Variants in CNMD observed in about 807,000 individuals in gnomAD.
CNMD encodes the protein chondromodulin.
CNMD carries 30 observed loss-of-function variants against 37.5 expected under a neutral mutation model. The observed-to-expected ratio is 0.80, with a 90% CI of 0.60 to 1.09. The LOEUF is 1.09. CNMD is among the 50% of genes least tolerant of loss of function. The probability of loss-of-function intolerance (pLI) is 0.00; values close to 1 mark genes in which losing one functional copy is unlikely to be tolerated. For missense variants in CNMD, 398 were observed against 423.9 expected, an observed-to-expected ratio of 0.94 and a Z score of 0.54; for synonymous variants, 167 against 148.2, an observed-to-expected ratio of 1.13 and a Z score of -0.92.
intron 4 of CNMD, among the ~76,000 whole-genome samples, chr13:52,718,364 A>C (rs1964424976): frequency 6.6e-6 from 1 of 151,568 alleles, no homozygotes; most frequent in Non-Finnish European, 1.5e-5. Context: ...GATCTTAGTT[A>C]TTTCTTGTCT....
intron 6 of CNMD, among the ~76,000 whole-genome samples, chr13:52,705,811 C>G (rs530731460): frequency 8.6e-5 from 13 of 151,960 alleles, no homozygotes; most frequent in Non-Finnish European, 1.9e-4. Flanking sequence ...AAGTCATATC[C>G]TGCCTGTCTA....
intron 6 of CNMD, 115 bp downstream of exon 6, chr13:52,708,421 T>G: frequency 1.2e-6 from 1 of 838,272 alleles, no homozygotes; most frequent in Middle Eastern, 2.4e-4. Context: ...GACCTCGTGA[T>G]CTGCCCACCC....
At chr13:52,721,854 G>T (rs1217755404) in intron 4 of CNMD, among the ~76,000 whole-genome samples, 2 of 152,188 alleles carry the variant, frequency 1.3e-5, no homozygotes, top group Non-Finnish European at 2.9e-5. Context: ...GCAAACTTAT[G>T]ATTAAATCTG....
intron 3 of CNMD, chr13:52,732,967 C>A (rs942264964): frequency 4.0e-6 from 2 of 501,956 alleles, no homozygotes; most frequent in Non-Finnish European, 7.1e-6. Context: ...TACATGAATT[C>A]AGTAAAGGTG....
At chr13:52,703,864 C>T in intron 6 of CNMD, 54 bp from the exon 7 acceptor site, 1 of 1,449,276 alleles carries the variant, frequency 6.9e-7, no homozygotes, top group Non-Finnish European at 9.6e-7. Context: ...AAGGTCATAG[C>T]ATGCATGTTA....
At chr13:52,721,439 C>T (rs1454167034) in intron 4 of CNMD, among the ~76,000 whole-genome samples, 2 of 152,246 alleles carry the variant, frequency 1.3e-5, no homozygotes, top group African/African-American at 4.8e-5. Context: ...CCAAGGGAAT[C>T]TCCTGGCCTG....
At chr13:52,722,700 A>ACC (rs1172984490) in intron 4 of CNMD, among the ~76,000 whole-genome samples, 1 of 152,240 alleles carries the variant, frequency 6.6e-6, no homozygotes, top group African/African-American at 2.4e-5. Flanking sequence ...AAAGTAAGGT[A>ACC]TTACTGTTAA....
At chr13:52,719,021 T>C (rs1964436242) in intron 4 of CNMD, among the ~76,000 whole-genome samples, 1 of 152,206 alleles carries the variant, frequency 6.6e-6, no homozygotes, top group Admixed American at 6.5e-5. Context: ...CTATATTGGG[T>C]GCATATATAT....
intron 4 of CNMD, among the ~76,000 whole-genome samples, chr13:52,719,171 T>C (rs1242379220): frequency 6.6e-6 from 1 of 152,234 alleles, no homozygotes; most frequent in Non-Finnish European, 1.5e-5. Context: ...TTGCTTTCCA[T>C]TTGCTTGGTA....
At chr13:52,714,364 C>T (rs1964336080) in intron 4 of CNMD, among the ~76,000 whole-genome samples, 1 of 152,082 alleles carries the variant, frequency 6.6e-6, no homozygotes, top group African/African-American at 2.4e-5. Context: ...TTTTCTGTTA[C>T]TGACAGCCAA....
At chr13:52,720,962 G>T (rs1964472686) in intron 4 of CNMD, among the ~76,000 whole-genome samples, 1 of 152,178 alleles carries the variant, frequency 6.6e-6, no homozygotes, top group South Asian at 2.1e-4. Flanking sequence ...CTATAAGCCC[G>T]ACTGGGGCTG....
chr13:52,712,107 GA>G (rs1964298656), intron 5 of CNMD, among the ~76,000 whole-genome samples: 2 of 152,200 alleles, frequency 1.3e-5, no homozygotes, highest in Non-Finnish European at 2.9e-5. Context: ...GGGGACAGGA[GA>G]AACTCAGGAG....
chr13:52,735,530 C>G (rs975344155), intron 2 of CNMD, among the ~76,000 whole-genome samples: 1 of 152,118 alleles, frequency 6.6e-6, no homozygotes, highest in Admixed American at 6.5e-5. Context: ...ACCACTACCC[C>G]TGGCTGTCTT....
intron 3 of CNMD, among the ~76,000 whole-genome samples, chr13:52,725,640 C>G (rs532310076): frequency 6.6e-6 from 1 of 152,086 alleles, no homozygotes; most frequent in Non-Finnish European, 1.5e-5. Context: ...ACTAGTGAAT[C>G]TAAAATAAAG....
chr13:52,735,912 C>T (rs1431414866), intron 2 of CNMD, among the ~76,000 whole-genome samples: 30 of 151,304 alleles, frequency 2.0e-4, no homozygotes, highest in Admixed American at 1.9e-3. Flanking sequence ...TCACTGCAAC[C>T]TCCGCCTCCC....
In CNMD at chr13:52,703,459, A is replaced by C; in HGVS notation, c.*136T>G. The C allele has an allele frequency of 1.7e-6, 1 of 599,260 alleles. No individual in the cohort carries two copies. Among genetic ancestry groups the C allele is most frequent in the Admixed American group, 2.9e-5 (1 of 34,090 alleles). 37.1% of individuals were successfully genotyped at this position (599,260 alleles called of 1,614,324 possible). On this transcript the variant is annotated 3_prime_UTR_variant, in exon 7 of 7. Transcript: ENST00000377962. ...GGAAAACAATTGAAAAAATTCTGTT[A>C]AGAGTGTCAAGAATAACCGCTCAGG...
chr13:52,736,727 T>C (rs1335134348), intron 2 of CNMD, among the ~76,000 whole-genome samples: 1 of 152,214 alleles, frequency 6.6e-6, no homozygotes, highest in Admixed American at 6.5e-5. Flanking sequence ...CTAATGAGTT[T>C]TTAATAAGGC....
chr13:52,738,635 C>T (rs898397028), intron 2 of CNMD, among the ~76,000 whole-genome samples: 3 of 152,104 alleles, frequency 2.0e-5, no homozygotes, highest in African/African-American at 7.2e-5. Context: ...GATTTTAAAC[C>T]CACAGCCTTT....
At position 52,703,703 on chromosome 13, in the gene CNMD, G is replaced by T. The variant is rs752884784; in HGVS notation, c.897C>A (p.Pro299=). 5 of 1,614,020 alleles carry T rather than the reference G, an allele frequency of 3.1e-6. No homozygotes were observed. The South Asian group carries it at 5.5e-5, about 18-fold the overall frequency. The change falls in exon 7 of 7, where the codon CCC becomes CCA. Residue 299 remains proline, a synonymous_variant. Transcript: ENST00000377962. ...AAGGCCATGGGTAATAGCCCCCCAG[G>T]GGTTCACAGATCTTCTGGCAGTGGG... ...SYTHCQKICE[P]LGGYYPWPYN...
Sources: gnomAD v4.1 joint callset for allele counts (sites outside exome capture counted in the v4.1 genomes callset) on GRCh38, gnomAD v4.1.1 for gene constraint, MANE v1.5 for transcripts, NCBI Gene and HGNC (gene_info 2026-07-23, HGNC 2026-07-21) for gene names.